ESRRG: variants seen among roughly 807,000 people sequenced by gnomAD.
ESRRG encodes the protein estrogen related receptor gamma.
In ESRRG, 13 loss-of-function variants were observed where a neutral mutation model predicts 44.0. That is an observed-to-expected ratio of 0.30 (90% confidence interval 0.19 to 0.47). The LOEUF (loss-of-function observed/expected upper bound fraction) is 0.47, where lower values mean the gene tolerates loss of function less well. Among genes scored for constraint, ESRRG ranks in the 20% least tolerant of loss-of-function variants. ESRRG has a pLI of 1.00. For missense variants in ESRRG, 395 were observed against 580.6 expected (o/e 0.68, Z 3.29); for synonymous variants, 215 against 214.6 (o/e 1.00, Z -0.02).
intron 2 of ESRRG, among the ~76,000 whole-genome samples, chr1:216,652,895 C>G (rs2069364519): frequency 6.6e-6 from 1 of 151,964 alleles, no homozygotes; most frequent in African/African-American, 2.4e-5. Flanking sequence ...TCGGCTCCCC[C>G]TATACTTACT....
intron 2 of ESRRG, among the ~76,000 whole-genome samples, chr1:216,782,026 GC>G (rs2147899903): frequency 6.6e-6 from 1 of 152,138 alleles, no homozygotes; most frequent in Non-Finnish European, 1.5e-5. Flanking sequence ...ACCCTAATAA[GC>G]TTTTTAAAAG....
intron 1 of ESRRG, among the ~76,000 whole-genome samples, chr1:216,973,166 G>C (rs2072060510): frequency 6.6e-6 from 1 of 152,034 alleles, no homozygotes; most frequent in South Asian, 2.1e-4. Flanking sequence ...CTTCAAAAAG[G>C]TAAGTAAGAT....
intron 2 of ESRRG, among the ~76,000 whole-genome samples, chr1:216,732,344 A>G (rs1233696252): frequency 6.6e-6 from 1 of 151,540 alleles, no homozygotes; most frequent in African/African-American, 2.4e-5. Context: ...AACAGCACTC[A>G]GTTTTCATGC....
intron 2 of ESRRG, among the ~76,000 whole-genome samples, chr1:216,905,627 T>C (rs2059603143): frequency 6.6e-6 from 1 of 152,232 alleles, no homozygotes; most frequent in African/African-American, 2.4e-5. Context: ...TGTCTCCTCG[T>C]CATCACTGTA....
chr1:216,651,974 A>T (rs780161334), intron 2 of ESRRG, among the ~76,000 whole-genome samples: 7 of 152,116 alleles, frequency 4.6e-5, no homozygotes, highest in Non-Finnish European at 1.0e-4. Context: ...TTTGTAAAGA[A>T]GCTGCCTTTA....
At chr1:217,125,434 A>G (rs887318209) in intron 1 of ESRRG, among the ~76,000 whole-genome samples, 4 of 152,232 alleles carry the variant, frequency 2.6e-5, no homozygotes, top group Non-Finnish European at 4.4e-5. Context: ...TCACAAATGT[A>G]TTTGTCTACA....
chr1:216,506,771 A>G lies in ESRRG; in HGVS notation c.*168T>C. The G allele has an allele frequency of 1.5e-6, 1 of 689,516 alleles. No individual in the cohort carries two copies. The highest frequency in any genetic ancestry group is 1.9e-5 in the South Asian group (1 of 52,958). The allele number at this position is 689,516 out of a possible 1,614,324, so 42.7% of individuals were successfully genotyped here. On this transcript the variant is annotated 3_prime_UTR_variant, in exon 7 of 7. Coordinates refer to ENST00000408911, the MANE Select transcript of ESRRG (RefSeq NM_001438.4). ...AGAAAGTAGAAAGAAACTCATCAGGAACCTATGGAGGAATCTGAAAGCTGC... is the reference window on the plus strand; with the variant it reads ...AGAAAGTAGAAAGAAACTCATCAGGGACCTATGGAGGAATCTGAAAGCTGC...
intron 1 of ESRRG, among the ~76,000 whole-genome samples, chr1:216,997,404 C>G (rs2076501076): frequency 6.6e-6 from 1 of 152,166 alleles, no homozygotes; most frequent in Non-Finnish European, 1.5e-5. Flanking sequence ...TGAAACAGAC[C>G]AATGTCTGGC....
At chr1:216,869,389 A>G (rs1241264499) in intron 2 of ESRRG, among the ~76,000 whole-genome samples, 2 of 152,080 alleles carry the variant, frequency 1.3e-5, no homozygotes, top group Admixed American at 6.5e-5. Flanking sequence ...TTATTTCTGG[A>G]TTCTTGTTGA....
At chr1:216,795,342 CTTTTTTTTT>C in intron 2 of ESRRG, among the ~76,000 whole-genome samples, 1 of 105,424 alleles carries the variant, frequency 9.5e-6, no homozygotes, top group South Asian at 3.2e-4. Flanking sequence ...TTTTCTTTTT[CTTTTTTTTT>C]TTTTTTTTTT....
At chr1:216,607,336 T>C (rs1187654409) in intron 3 of ESRRG, among the ~76,000 whole-genome samples, 1 of 152,212 alleles carries the variant, frequency 6.6e-6, no homozygotes, top group Non-Finnish European at 1.5e-5. Context: ...GTCACTTGTT[T>C]ACATTTATTA....
chr1:217,040,535 A>G (rs760076074), intron 1 of ESRRG, among the ~76,000 whole-genome samples: 22 of 152,330 alleles, frequency 1.4e-4, no homozygotes, highest in Non-Finnish European at 2.5e-4. Context: ...TTTTTCAGCA[A>G]TAAGTTAGCA....
At chr1:216,999,423 A>G (rs74141724) in intron 1 of ESRRG, among the ~76,000 whole-genome samples, 3,456 of 152,292 alleles carry the variant, frequency 0.023, 97 homozygotes, top group African/African-American at 0.067. Context: ...CATATTTACA[A>G]AATATTTTCA....
intron 1 of ESRRG, among the ~76,000 whole-genome samples, chr1:217,011,085 A>G (rs2078523190): frequency 6.6e-6 from 1 of 152,200 alleles, no homozygotes; most frequent in Non-Finnish European, 1.5e-5. Context: ...CCATCAACTC[A>G]TAGTACCATA....
chr1:217,013,164 C>T (rs1316279430), intron 1 of ESRRG, among the ~76,000 whole-genome samples: 1 of 152,246 alleles, frequency 6.6e-6, no homozygotes, highest in Admixed American at 6.5e-5. Context: ...TCACATTCCT[C>T]TGTACTGGAG....
At chr1:216,598,863 G>C (rs1458784422) in intron 3 of ESRRG, among the ~76,000 whole-genome samples, 4 of 152,172 alleles carry the variant, frequency 2.6e-5, no homozygotes, top group Non-Finnish European at 4.4e-5. Flanking sequence ...TGTGTGCAGA[G>C]AAGAGCATAT....
At chr1:216,985,914 T>C (rs2074785380) in intron 1 of ESRRG, 2 of 152,148 alleles carry the variant, frequency 1.3e-5, no homozygotes, top group Admixed American at 6.5e-5. Flanking sequence ...TATAGGTCTC[T>C]TAGACAGGAC....
chr1:217,129,565 G>A (rs1192189866), intron 1 of ESRRG, among the ~76,000 whole-genome samples: 3 of 152,158 alleles, frequency 2.0e-5, no homozygotes, highest in Admixed American at 2.0e-4. Context: ...TGATGAATGT[G>A]TAAACAAAAG....
chr1:216,853,662 G>A (rs761980562), intron 2 of ESRRG, among the ~76,000 whole-genome samples: 3 of 152,044 alleles, frequency 2.0e-5, no homozygotes, highest in Admixed American at 2.0e-4. Flanking sequence ...TCCAAAGACC[G>A]GGTAAACTCA....
Sources: allele counts gnomAD v4.1 joint callset (sites outside exome capture counted in the v4.1 genomes callset), GRCh38; gene constraint gnomAD v4.1.1; transcripts MANE v1.5; gene names NCBI Gene and HGNC (gene_info 2026-07-23, HGNC 2026-07-21).